YIPF6: variants seen among roughly 807,000 people sequenced by gnomAD.
YIPF6 encodes protein YIPF6.
A neutral mutation model predicts 16.8 loss-of-function variants in YIPF6; 3 were observed. The observed-to-expected ratio is 0.18, with a 90% CI of 0.08 to 0.46. The LOEUF is 0.46. Ranked by LOEUF, YIPF6 falls within the 20% of genes least tolerant of loss-of-function variation. The probability of loss-of-function intolerance (pLI) is 0.98; values close to 1 mark genes in which losing one functional copy is unlikely to be tolerated. For synonymous variants in YIPF6, 67 were observed against 61.9 expected, an observed-to-expected ratio of 1.08 and a Z score of -0.38; for missense variants, 145 against 184.9, an observed-to-expected ratio of 0.78 and a Z score of 1.25.
Position 68,510,472 on chromosome X carries a change from A to G in YIPF6, c.58-1377A>G, listed in dbSNP as rs888369007. ...TCTATCCTATTCCTTTCTTTCCTCT[A>G]TAAGAAACCTTTAAAAAAAAATTCT... On this transcript the variant is annotated intron_variant, in intron 1 of 6. Coordinates refer to ENST00000462683, the MANE Select transcript of YIPF6 (RefSeq NM_173834.4). Among the ~76,000 whole-genome samples, 40 of 110,234 alleles carry G rather than the reference A, an allele frequency of 3.6e-4. 1 individual carries two copies. Among genetic ancestry groups the G allele is most frequent in the South Asian group, 3.8e-4 (1 of 2,654 alleles).
At chrX:68,502,344 T>A (rs2079043812) in intron 1 of YIPF6, among the ~76,000 whole-genome samples, 1 of 111,597 alleles carries the variant, frequency 9.0e-6, no homozygotes, top group African/African-American at 3.3e-5. Context: ...TTGTCTTAGA[T>A]CAGTATTTTC....
In YIPF6 at chrX:68,535,669, TATTACTAATA is replaced by T. The variant is rs1230332609; in HGVS notation, c.*3673_*3682del. On this transcript the variant is annotated 3_prime_UTR_variant, in exon 7 of 7. Coordinates refer to ENST00000462683, the MANE Select transcript of YIPF6 (RefSeq NM_173834.4). The stretch of plus-strand genomic sequence containing the variant: ...GGCCAAATAATAATAATGACAATGA[TATTACTAATA>T]ATAATAGCTAACCTTTATTTGGCAC... The T allele has an allele frequency of 8.9e-6, 1 of 112,358 alleles. No individual in the cohort carries two copies. The highest frequency in any genetic ancestry group is 2.8e-4 in the East Asian group (1 of 3,609). 9.3% of individuals were successfully genotyped at this position (112,358 alleles called of 1,213,427 possible).
rs1484265749 is a variant in YIPF6 at position 68,534,433 on chromosome X, A to AT, written c.*2441dup. The AT allele has an allele frequency of 8.9e-6, 1 of 111,850 alleles. No homozygotes were observed. Among genetic ancestry groups the AT allele is most frequent in the Non-Finnish European group, 1.9e-5 (1 of 53,162 alleles). The allele number at this position is 111,850 out of a possible 1,213,427, so 9.2% of individuals were successfully genotyped here. On this transcript the variant is annotated 3_prime_UTR_variant, in exon 7 of 7. Coordinates refer to ENST00000462683, the MANE Select transcript of YIPF6 (RefSeq NM_173834.4). ...GCCGAAGATTCATTTGATGAATCCAATTTTTTTGAAATAGACAATTCTGAT... is the reference window on the plus strand; with the variant it reads ...GCCGAAGATTCATTTGATGAATCCAATTTTTTTTGAAATAGACAATTCTGAT...
At chrX:68,521,520 CTT>C in intron 5 of YIPF6, 23 bp downstream of exon 5, 2 of 1,195,418 alleles carry the variant, frequency 1.7e-6, no homozygotes, top group Non-Finnish European at 2.3e-6. Flanking sequence ...AAAATGCATT[CTT>C]TTTTTCCTCT....
chrX:68,531,900 T>A lies in YIPF6; in HGVS notation c.612T>A (p.Ala204=). Residue 204 remains alanine (A), a synonymous_variant, in exon 7 of 7, where the codon GCT becomes GCA. Coordinates refer to ENST00000462683, the MANE Select transcript of YIPF6 (RefSeq NM_173834.4). Reference sequence around the variant, plus strand: ...GTTTAGCCTCCACAGCTTTCCTTGCTGATAGCCAGCCTCCAAACCGCAGAG... The same window carrying A: ...GTTTAGCCTCCACAGCTTTCCTTGCAGATAGCCAGCCTCCAAACCGCAGAG... The part of the protein sequence containing the change: ...WSIVASTAFL[A]DSQPPNRRAL... 1 of 1,188,553 alleles carries A rather than the reference T, an allele frequency of 8.4e-7. No individual in the cohort carries two copies. The highest frequency in any genetic ancestry group is 2.3e-5 in the Admixed American group (1 of 43,157).
chrX:68,510,724 C>A (rs1048228731), intron 1 of YIPF6: 3 of 111,142 alleles, frequency 2.7e-5, no homozygotes, highest in African/African-American at 9.8e-5. Flanking sequence ...ACCTTCACCT[C>A]CCGGGTTCAA....
rs890294801 is a variant in YIPF6 at position 68,535,368 on chromosome X, A to G, written c.*3369A>G. ...GACTGCCTGTTCATTCCTGGAGACAAAAATGAAAATCTGTCAGTTCAAGTT... is the reference window on the plus strand; with the variant it reads ...GACTGCCTGTTCATTCCTGGAGACAGAAATGAAAATCTGTCAGTTCAAGTT... On this transcript the variant is annotated 3_prime_UTR_variant, in exon 7 of 7. Coordinates refer to ENST00000462683, the MANE Select transcript of YIPF6 (RefSeq NM_173834.4). The G allele has an allele frequency of 2.7e-5, 3 of 112,276 alleles. No homozygotes were observed. The highest frequency in any genetic ancestry group is 9.7e-5 in the African/African-American group (3 of 30,897). 9.3% of individuals were successfully genotyped at this position (112,276 alleles called of 1,213,427 possible). A position where few individuals can be genotyped will look rare whatever the true frequency, so the allele number is the denominator to read the frequency against.
At chrX:68,507,931 G>A (rs750334431) in intron 1 of YIPF6, among the ~76,000 whole-genome samples, 1 of 110,462 alleles carries the variant, frequency 9.1e-6, no homozygotes, top group African/African-American at 3.3e-5. Context: ...CTTTGTTCCT[G>A]TAAATGCAAT....
chrX:68,511,777 G>T, intron 1 of YIPF6, 72 bp from the exon 2 acceptor site: 1 of 1,114,381 alleles, frequency 9.0e-7, no homozygotes, highest in Non-Finnish European at 1.2e-6. Context: ...CAACTCTCTA[G>T]GAAATGATGA....
chrX:68,519,902 A>T (rs1569326574), intron 4 of YIPF6, among the ~76,000 whole-genome samples: 1 of 111,423 alleles, frequency 9.0e-6, no homozygotes, highest in Non-Finnish European at 1.9e-5. Flanking sequence ...GAGCATATAT[A>T]TTTTTTTTAC....
At chrX:68,529,482 T>C (rs1300536287) in intron 6 of YIPF6, among the ~76,000 whole-genome samples, 1 of 110,856 alleles carries the variant, frequency 9.0e-6, no homozygotes, top group Non-Finnish European at 1.9e-5. Context: ...TGTCAGTTCG[T>C]CAAACTCATT....
intron 3 of YIPF6, among the ~76,000 whole-genome samples, chrX:68,517,018 C>T (rs1049108707): frequency 7.2e-5 from 8 of 111,127 alleles, no homozygotes; most frequent in Admixed American, 4.8e-4. Context: ...GACGGGATTT[C>T]ACCATGTTGG....
At chrX:68,524,140 TCAGGAAAGATTTCC>T (rs1307480844) in intron 6 of YIPF6, among the ~76,000 whole-genome samples, 3 of 111,183 alleles carry the variant, frequency 2.7e-5, no homozygotes, top group Non-Finnish European at 5.7e-5. Context: ...ACATGATTAT[TCAGGAAAGATTTCC>T]CAGAGATGTG....
intron 1 of YIPF6, among the ~76,000 whole-genome samples, chrX:68,507,245 A>G (rs1293555500): frequency 1.8e-5 from 2 of 111,824 alleles, no homozygotes; most frequent in African/African-American, 6.5e-5. Flanking sequence ...TTAGGCAATT[A>G]TCTTTTAGAA....
intron 1 of YIPF6, among the ~76,000 whole-genome samples, chrX:68,511,535 T>C (rs1442209399): frequency 8.9e-6 from 1 of 112,285 alleles, no homozygotes; most frequent in Non-Finnish European, 1.9e-5. Flanking sequence ...TGCTAAAAGG[T>C]CACTTTTTAA....
chrX:68,509,893 A>G (rs141408092), intron 1 of YIPF6, among the ~76,000 whole-genome samples: 3 of 111,261 alleles, frequency 2.7e-5, no homozygotes, highest in Admixed American at 9.6e-5. Flanking sequence ...CCTTGCGTCT[A>G]TTGCTTCCAG....
Position 68,522,866 on chromosome X carries a change from T to C in YIPF6, c.541T>C (p.Phe181Leu). The C allele has an allele frequency of 1.7e-6, 2 of 1,211,504 alleles. No individual in the cohort carries two copies. Among genetic ancestry groups the C allele is most frequent in the East Asian group, 3.0e-5 (1 of 33,829 alleles). ...TTTGGCTGATCCAGGACCTGTAAAC[T>C]TCATGGTTCGGCTTTTTGTGGTGAT... ...VLLADPGPVN[F>L]MVRLFVVIVM... is the part of the protein sequence containing the mutation. The change falls in exon 6 of 7, where the codon TTC becomes CTC. Residue 181 changes from phenylalanine to leucine, a missense_variant. Phe to Leu is a conservative substitution (Grantham distance 22, BLOSUM62 0). Transcript: ENST00000462683.
chrX:68,513,380 G>A lies in YIPF6; in HGVS notation c.240G>A (p.Arg80=). 1 of 1,204,527 alleles carries A rather than the reference G, an allele frequency of 8.3e-7. No individual in the cohort carries two copies. The highest frequency in any genetic ancestry group is 1.1e-6 in the Non-Finnish European group (1 of 891,843). ...GKKFMHVLYP[R]KSNTLLRDWD... Reference sequence around the variant, plus strand: ...AATTCATGCATGTTTTGTACCCAAGGAAAAGTAATACTCTTTTGAGAGATT... The same window carrying A: ...AATTCATGCATGTTTTGTACCCAAGAAAAAGTAATACTCTTTTGAGAGATT... The change falls in exon 3 of 7, where the codon AGG becomes AGA. Residue 80 remains arginine, a synonymous_variant. Coordinates refer to ENST00000462683, the MANE Select transcript of YIPF6 (RefSeq NM_173834.4).
intron 6 of YIPF6, among the ~76,000 whole-genome samples, chrX:68,524,392 C>T (rs2079139109): frequency 9.1e-6 from 1 of 110,425 alleles, no homozygotes; most frequent in African/African-American, 3.3e-5. Context: ...TGGTCTCGAA[C>T]TCCTGACCTC....
Sources: allele counts gnomAD v4.1 joint callset (sites outside exome capture counted in the v4.1 genomes callset), GRCh38; gene constraint gnomAD v4.1.1; transcripts MANE v1.5; gene names NCBI Gene and HGNC (gene_info 2026-07-23, HGNC 2026-07-21).